Variants in ATP8A1 observed in about 807,000 individuals in gnomAD.
The protein encoded by ATP8A1 is phospholipid-transporting ATPase IA.
Under a neutral mutation model 177.7 loss-of-function variants are expected in ATP8A1, and 90 were observed. That is an observed-to-expected ratio of 0.51 (90% CI 0.43 to 0.60). The LOEUF (loss-of-function observed/expected upper bound fraction) is 0.60, where lower values mean the gene tolerates loss of function less well. ATP8A1 is among the 20% of genes least tolerant of loss of function. ATP8A1 has a pLI of 0.00. For missense variants in ATP8A1, 1,072 were observed against 1,392.8 expected (o/e 0.77, Z 3.67); for synonymous variants, 493 against 485.9 (o/e 1.01, Z -0.19).
intron 33 of ATP8A1, among the ~76,000 whole-genome samples, chr4:42,433,819 A>G (rs1715590174): frequency 6.6e-6 from 1 of 151,806 alleles, no homozygotes; most frequent in African/African-American, 2.4e-5. Flanking sequence ...GATACAAGAA[A>G]GAAACTTTGC....
chr4:42,430,793 C>T (rs541169645), intron 33 of ATP8A1, among the ~76,000 whole-genome samples: 2 of 152,270 alleles, frequency 1.3e-5, no homozygotes, highest in South Asian at 4.1e-4. Context: ...TCACCCCCTC[C>T]CTCATTCAGC....
intron 1 of ATP8A1, among the ~76,000 whole-genome samples, chr4:42,650,758 T>C (rs1348004484): frequency 6.6e-6 from 1 of 152,230 alleles, no homozygotes; most frequent in Non-Finnish European, 1.5e-5. Flanking sequence ...TGGATAGGTA[T>C]GTGAAGTTTT....
At chr4:42,620,145 G>T (rs1737321183) in intron 4 of ATP8A1, among the ~76,000 whole-genome samples, 1 of 152,174 alleles carries the variant, frequency 6.6e-6, no homozygotes, top group Admixed American at 6.5e-5. Context: ...TGAATGAAAA[G>T]ATGTATTCAT....
chr4:42,624,823 G>A (rs1273529211), intron 3 of ATP8A1, among the ~76,000 whole-genome samples, 189 bp from the exon 4 acceptor site: 1 of 152,186 alleles, frequency 6.6e-6, no homozygotes, highest in Admixed American at 6.5e-5. Flanking sequence ...TAGTTTCACA[G>A]TAAGCAGTTG....
chr4:42,475,582 G>C (rs1345468327), intron 25 of ATP8A1, among the ~76,000 whole-genome samples: 1 of 151,140 alleles, frequency 6.6e-6, no homozygotes, highest in African/African-American at 2.4e-5. Context: ...ATACTGTCAG[G>C]CAAAATATAT....
chr4:42,548,986 A>G, intron 19 of ATP8A1, 27 bp downstream of exon 19: 5 of 1,570,186 alleles, frequency 3.2e-6, no homozygotes, highest in Non-Finnish European at 4.4e-6. Context: ...TATCTTATCC[A>G]TACAAATCAC....
rs1448941500 is a variant in ATP8A1 at position 42,559,330 on chromosome 4, T to G, written c.1341-3290A>C. Among the ~76,000 whole-genome samples the G allele has an allele frequency of 2.0e-5, 3 of 152,090 alleles. No individual in the cohort carries two copies. In the East Asian group the frequency reaches 5.8e-4, roughly 29 times the overall value. On this transcript the variant is annotated intron_variant, in intron 15 of 36. Transcript: ENST00000381668. ...AATCAATTTACAAAAAGATCAACAA[T>G]GTAGTACAACAATGAGCAAAGGATA... is the stretch of plus-strand genomic sequence containing the variant.
At chr4:42,439,679 T>C (rs1716403816) in intron 33 of ATP8A1, among the ~76,000 whole-genome samples, 1 of 152,154 alleles carries the variant, frequency 6.6e-6, no homozygotes, top group African/African-American at 2.4e-5. Flanking sequence ...ACCGCTGCAA[T>C]GTCTATAGAG....
chr4:42,541,805 T>C (rs1728418539), intron 20 of ATP8A1, among the ~76,000 whole-genome samples: 1 of 152,102 alleles, frequency 6.6e-6, no homozygotes, highest in South Asian at 2.1e-4. Flanking sequence ...TATATGACAT[T>C]CTGGAAAAGG....
At chr4:42,622,136 G>A (rs1737526350) in intron 4 of ATP8A1, among the ~76,000 whole-genome samples, 1 of 152,040 alleles carries the variant, frequency 6.6e-6, no homozygotes, top group African/African-American at 2.4e-5. Context: ...AGCATTTTGG[G>A]AGGCCAAGGT....
intron 4 of ATP8A1, among the ~76,000 whole-genome samples, chr4:42,617,800 T>A (rs1195438869): frequency 6.6e-6 from 1 of 152,182 alleles, no homozygotes; most frequent in African/African-American, 2.4e-5. Context: ...CACAAGAGCA[T>A]CTCTTTCCTC....
intron 33 of ATP8A1, among the ~76,000 whole-genome samples, chr4:42,435,426 CAAA>C (rs55945370): frequency 1.1e-5 from 1 of 93,958 alleles, no homozygotes; most frequent in Admixed American, 1.1e-4. Context: ...GACTTCATCT[CAAA>C]AAAAAAAAAA....
At chr4:42,625,372 T>C (rs6825797) in intron 3 of ATP8A1, 76,902 of 316,856 alleles carry the variant, frequency 0.24, 10,491 homozygotes, top group Non-Finnish European at 0.29. Context: ...CCATCCCCTT[T>C]ACCACCCAAA....
chr4:42,443,539 G>T, intron 33 of ATP8A1, 26 bp downstream of exon 33: 1 of 907,200 alleles, frequency 1.1e-6, no homozygotes, highest in Non-Finnish European at 1.8e-6. Flanking sequence ...GGTTTTGTTG[G>T]ATTGTGAGTT....
chr4:42,529,055 G>A (rs531701767), intron 20 of ATP8A1, among the ~76,000 whole-genome samples: 1 of 152,252 alleles, frequency 6.6e-6, no homozygotes, highest in East Asian at 1.9e-4. Flanking sequence ...CCTTATCTAG[G>A]TGTGTTACTC....
chr4:42,599,210 A>T (rs1735012014), intron 6 of ATP8A1, among the ~76,000 whole-genome samples: 1 of 152,154 alleles, frequency 6.6e-6, no homozygotes, highest in Non-Finnish European at 1.5e-5. Context: ...GTTATTTATT[A>T]GCATGCATAT....
At chr4:42,563,563 C>T (rs2153215999) in intron 15 of ATP8A1, among the ~76,000 whole-genome samples, 1 of 152,274 alleles carries the variant, frequency 6.6e-6, no homozygotes, top group East Asian at 1.9e-4. Context: ...AAAAATGTCT[C>T]CAGGGCATGT....
At chr4:42,482,318 C>A (rs1251542731) in intron 25 of ATP8A1, among the ~76,000 whole-genome samples, 51 of 76,334 alleles carry the variant, frequency 6.7e-4, no homozygotes, top group African/African-American at 1.8e-3. Context: ...AACAAAAAAA[C>A]AAACAAACAA....
chr4:42,551,319 A>G, intron 17 of ATP8A1, 39 bp from the exon 18 acceptor site: 1 of 1,323,860 alleles, frequency 7.6e-7, no homozygotes, highest in Non-Finnish European at 1.1e-6. Context: ...CACATGATTG[A>G]AAAAAAAATA....
Sources: allele counts gnomAD v4.1 joint callset (sites outside exome capture counted in the v4.1 genomes callset), GRCh38; gene constraint gnomAD v4.1.1; transcripts MANE v1.5; gene names NCBI Gene and HGNC (gene_info 2026-07-23, HGNC 2026-07-21).